Variants in EXOC6B observed in about 807,000 individuals in gnomAD.
The protein encoded by EXOC6B is SEC15 homolog B.
Under a neutral mutation model 113.5 loss-of-function variants are expected in EXOC6B, and 54 were observed. That is an observed-to-expected ratio of 0.48 (90% CI 0.38 to 0.60). The LOEUF (loss-of-function observed/expected upper bound fraction) is 0.60. EXOC6B is among the 20% of genes least tolerant of loss of function. The pLI is 0.00. For synonymous variants in EXOC6B, 357 were observed against 339.0 expected (o/e 1.05, Z -0.58); for missense variants, 797 against 977.5 (o/e 0.82, Z 2.46).
At chr2:72,270,984 G>C (rs1684448200) in intron 20 of EXOC6B, among the ~76,000 whole-genome samples, 2 of 152,170 alleles carry the variant, frequency 1.3e-5, no homozygotes, top group Admixed American at 1.3e-4. Context: ...GAAGAGATGA[G>C]CAATTCAAGC....
chr2:72,408,850 G>C (rs1693973732), intron 18 of EXOC6B, among the ~76,000 whole-genome samples: 1 of 152,138 alleles, frequency 6.6e-6, no homozygotes, highest in Non-Finnish European at 1.5e-5. Flanking sequence ...GGCAGCAAAA[G>C]ACAAAATTGA....
chr2:72,535,919 G>A (rs1702265255), intron 8 of EXOC6B, among the ~76,000 whole-genome samples: 1 of 151,822 alleles, frequency 6.6e-6, no homozygotes, highest in African/African-American at 2.4e-5. Context: ...AGTGTTTTAT[G>A]GAAATTCTGT....
intron 20 of EXOC6B, among the ~76,000 whole-genome samples, chr2:72,264,214 C>G (rs1683907267): frequency 6.6e-6 from 1 of 152,138 alleles, no homozygotes; most frequent in Non-Finnish European, 1.5e-5. Flanking sequence ...TCATGGGACC[C>G]AGAGTCTCTT....
chr2:72,569,890 G>T (rs1014470352), intron 7 of EXOC6B, among the ~76,000 whole-genome samples: 6 of 152,070 alleles, frequency 3.9e-5, no homozygotes, highest in Admixed American at 3.3e-4. Context: ...GATGCTGAGA[G>T]AAATTACATA....
At chr2:72,812,792 G>A (rs1023853447) in intron 1 of EXOC6B, among the ~76,000 whole-genome samples, 3 of 151,982 alleles carry the variant, frequency 2.0e-5, no homozygotes, top group Non-Finnish European at 4.4e-5. Flanking sequence ...ATTCTGATAA[G>A]ATTAAAGATA....
chr2:72,645,969 C>CA (rs1219192434), intron 6 of EXOC6B, among the ~76,000 whole-genome samples: 1 of 151,920 alleles, frequency 6.6e-6, no homozygotes. Context: ...GATAGAGACA[C>CA]AAAAAACCCT....
At chr2:72,409,870 A>T (rs909886468) in intron 18 of EXOC6B, among the ~76,000 whole-genome samples, 9 of 151,714 alleles carry the variant, frequency 5.9e-5, no homozygotes, top group Non-Finnish European at 5.9e-5. Context: ...AGTATAATAA[A>T]ATATATATAT....
At chr2:72,236,167 C>T (rs955642282) in intron 20 of EXOC6B, among the ~76,000 whole-genome samples, 3 of 152,154 alleles carry the variant, frequency 2.0e-5, no homozygotes, top group African/African-American at 7.2e-5. Context: ...GAGCAGGCAG[C>T]CTCTTGGCAA....
At chr2:72,763,596 T>C (rs1345061428) in intron 1 of EXOC6B, among the ~76,000 whole-genome samples, 1 of 151,918 alleles carries the variant, frequency 6.6e-6, no homozygotes, top group Non-Finnish European at 1.5e-5. Context: ...GTAATTTTTG[T>C]ATTTTTTGGT....
intron 20 of EXOC6B, among the ~76,000 whole-genome samples, chr2:72,237,871 T>C (rs903739111): frequency 6.6e-6 from 1 of 151,766 alleles, no homozygotes; most frequent in African/African-American, 2.4e-5. Flanking sequence ...CTCTCACTTT[T>C]GGACTTAGGG....
chr2:72,667,499 A>C (rs1371437021), intron 6 of EXOC6B, among the ~76,000 whole-genome samples: 4 of 152,212 alleles, frequency 2.6e-5, no homozygotes, highest in African/African-American at 9.7e-5. Context: ...AGTAATCAAA[A>C]CAGCATGGTA....
intron 6 of EXOC6B, among the ~76,000 whole-genome samples, chr2:72,622,555 C>T (rs1381060495): frequency 6.6e-6 from 1 of 151,858 alleles, no homozygotes; most frequent in Admixed American, 6.6e-5. Flanking sequence ...CTCTACAAAA[C>T]AAAAATTAGC....
chr2:72,666,995 T>C (rs1264068263), intron 6 of EXOC6B, among the ~76,000 whole-genome samples: 4 of 152,084 alleles, frequency 2.6e-5, no homozygotes, highest in Non-Finnish European at 4.4e-5. Context: ...CCCGAGTAGC[T>C]GGGACCACAG....
chr2:72,508,137 A>T (rs192317352), intron 11 of EXOC6B, among the ~76,000 whole-genome samples: 2 of 139,804 alleles, frequency 1.4e-5, no homozygotes, highest in East Asian at 4.0e-4. Flanking sequence ...TGGGGGAAAA[A>T]AAAACCTTCC....
At chr2:72,733,257 A>T (rs1680751657) in intron 2 of EXOC6B, 139 bp from the exon 3 acceptor site, 1 of 658,610 alleles carries the variant, frequency 1.5e-6, no homozygotes, top group Non-Finnish European at 2.6e-6. Flanking sequence ...GTCCAGTGGC[A>T]TTCTCTTGGG....
At chr2:72,479,751 T>A (rs1220009592) in intron 17 of EXOC6B, among the ~76,000 whole-genome samples, 1 of 152,166 alleles carries the variant, frequency 6.6e-6, no homozygotes, top group Non-Finnish European at 1.5e-5. Context: ...CTCCAGAAAC[T>A]CATCTACCAT....
chr2:72,649,326 T>C (rs999141028), intron 6 of EXOC6B, among the ~76,000 whole-genome samples: 4 of 152,138 alleles, frequency 2.6e-5, no homozygotes, highest in African/African-American at 9.7e-5. Flanking sequence ...AACAATCAAA[T>C]TGTACATTTA....
intron 1 of EXOC6B, among the ~76,000 whole-genome samples, chr2:72,745,466 A>C (rs1681633781): frequency 1.3e-5 from 2 of 152,134 alleles, no homozygotes; most frequent in African/African-American, 2.4e-5. Flanking sequence ...AAAAAAAAGA[A>C]AGAATAAAAC....
At chr2:72,823,145 T>C (rs1325687651) in intron 1 of EXOC6B, among the ~76,000 whole-genome samples, 1 of 121,174 alleles carries the variant, frequency 8.3e-6, no homozygotes, top group Non-Finnish European at 1.6e-5. Flanking sequence ...CTCAGTGTAA[T>C]CTGCTAAAAA....
Sources: allele counts gnomAD v4.1 joint callset (sites outside exome capture counted in the v4.1 genomes callset), GRCh38; gene constraint gnomAD v4.1.1; transcripts MANE v1.5; gene names NCBI Gene and HGNC (gene_info 2026-07-23, HGNC 2026-07-21).